ITPRID1: variants seen among roughly 807,000 people sequenced by gnomAD.
ITPRID1 encodes protein ITPRID1.
ITPRID1 carries 96 observed loss-of-function variants against 95.4 expected under a neutral mutation model. That is an observed-to-expected ratio of 1.01 (90% confidence interval 0.85 to 1.19). ITPRID1 has a LOEUF of 1.19. Among genes scored for constraint, ITPRID1 ranks in the 50% most tolerant of loss-of-function variants. ITPRID1 has a pLI of 0.00. For missense variants in ITPRID1, 1,339 were observed against 1,252.9 expected (o/e 1.07, Z -1.04); for synonymous variants, 510 against 453.6 (o/e 1.12, Z -1.58).
chr7:31,621,695 C>T (rs1389778211), intron 10 of ITPRID1, among the ~76,000 whole-genome samples: 139 of 145,258 alleles, frequency 9.6e-4, no homozygotes, highest in Admixed American at 1.6e-3. Context: ...TAAACTGCAT[C>T]AACTAACGAG....
In ITPRID1 at chr7:31,604,554, G is replaced by T. The variant is rs1786533154; in HGVS notation, c.1228+21363G>T. ...TTAAAATCAAGGTATGGTTGAAATG[G>T]TCCACACCAAACGGGGAACAAACCA... On this transcript the variant is annotated intron_variant, in intron 10 of 14. Transcript: ENST00000615280. Among the ~76,000 whole-genome samples the T allele has an allele frequency of 1.3e-5, 2 of 152,140 alleles. 1 individual carries two copies. Among genetic ancestry groups the T allele is most frequent in the Non-Finnish European group, 2.9e-5 (2 of 68,032 alleles).
intron 10 of ITPRID1, among the ~76,000 whole-genome samples, chr7:31,636,781 GGTTT>G (rs917142083): frequency 3.3e-5 from 5 of 151,570 alleles, no homozygotes; most frequent in East Asian, 1.9e-4. Flanking sequence ...GTAATGTGCA[GGTTT>G]GTTACATATG....
At chr7:31,515,049 T>C (rs1342290434) in intron 1 of ITPRID1, among the ~76,000 whole-genome samples, 1 of 152,038 alleles carries the variant, frequency 6.6e-6, no homozygotes. Flanking sequence ...GGTGATTTAG[T>C]AATTATCTAT....
At chr7:31,640,405 T>C (rs1181344699) in intron 10 of ITPRID1, among the ~76,000 whole-genome samples, 1 of 152,186 alleles carries the variant, frequency 6.6e-6, no homozygotes, top group African/African-American at 2.4e-5. Context: ...TGTGTGCAGC[T>C]CCTTCCTCTC....
intron 10 of ITPRID1, among the ~76,000 whole-genome samples, chr7:31,596,261 T>A (rs1175308531): frequency 6.6e-6 from 1 of 151,192 alleles, no homozygotes; most frequent in Non-Finnish European, 1.5e-5. Context: ...TGAGAAAAAA[T>A]TGCTATATGA....
chr7:31,619,394 A>AT (rs1173380498), intron 10 of ITPRID1, among the ~76,000 whole-genome samples: 1 of 152,146 alleles, frequency 6.6e-6, no homozygotes, highest in African/African-American at 2.4e-5. Context: ...AATTCTTATT[A>AT]TTTTACCATT....
intron 1 of ITPRID1, among the ~76,000 whole-genome samples, chr7:31,524,922 T>TAATA (rs1328175581): frequency 6.3e-5 from 8 of 127,996 alleles, no homozygotes; most frequent in African/African-American, 2.7e-4. Flanking sequence ...AAATCTTTAT[T>TAATA]GAGATGAAAT....
intron 13 of ITPRID1, 110 bp downstream of exon 13, chr7:31,651,379 C>A: frequency 8.0e-7 from 1 of 1,253,710 alleles, no homozygotes; most frequent in Non-Finnish European, 1.1e-6. Flanking sequence ...AATGAGAAAC[C>A]GGCCAGCTTT....
chr7:31,601,056 A>C (rs1041243730), intron 10 of ITPRID1, among the ~76,000 whole-genome samples: 3 of 152,146 alleles, frequency 2.0e-5, no homozygotes, highest in Non-Finnish European at 4.4e-5. Flanking sequence ...AGTCGACCTT[A>C]AGAGAATGCT....
At chr7:31,555,139 C>G (rs185592804) in intron 5 of ITPRID1, 1 of 453,142 alleles carries the variant, frequency 2.2e-6, no homozygotes, top group Non-Finnish European at 4.0e-6. Flanking sequence ...ATCAATGGCT[C>G]AGAGTATAGC....
At position 31,587,835 on chromosome 7, in the gene ITPRID1, G is replaced by A. The variant is rs956734805; in HGVS notation, c.1228+4644G>A. 3.0e-4 allele frequency among the ~76,000 whole-genome samples: 45 copies of A among 150,794 alleles called. No individual in the cohort carries two copies. In the Middle Eastern group the frequency reaches 0.01, roughly 34 times the overall value. Reference sequence around the variant, plus strand: ...GAACAGAGCCCTCAGAAATAACGCCGCATATCTACAACTATCTGATCTTTG... The same window carrying A: ...GAACAGAGCCCTCAGAAATAACGCCACATATCTACAACTATCTGATCTTTG... On this transcript the variant is annotated intron_variant, in intron 10 of 14. Transcript: ENST00000615280.
intron 1 of ITPRID1, among the ~76,000 whole-genome samples, chr7:31,525,486 G>A (rs549810364): frequency 2.0e-5 from 3 of 152,290 alleles, no homozygotes; most frequent in Non-Finnish European, 2.9e-5. Flanking sequence ...AGACTCCATG[G>A]TATAGTAACA....
intron 10 of ITPRID1, among the ~76,000 whole-genome samples, chr7:31,598,456 T>G (rs777595343): frequency 3.5e-5 from 5 of 142,584 alleles, no homozygotes; most frequent in Admixed American, 7.6e-5. Context: ...CAGGCTGGAG[T>G]GCAGTGGCGC....
intron 5 of ITPRID1, among the ~76,000 whole-genome samples, chr7:31,558,797 G>A (rs1583496593): frequency 6.6e-6 from 1 of 152,124 alleles, no homozygotes; most frequent in Non-Finnish European, 1.5e-5. Flanking sequence ...GCACACTGGT[G>A]TAAATCAATT....
chr7:31,611,963 T>C (rs1255913709), intron 10 of ITPRID1, among the ~76,000 whole-genome samples: 8 of 152,058 alleles, frequency 5.3e-5, no homozygotes, highest in African/African-American at 1.9e-4. Flanking sequence ...CTCTTCTCTT[T>C]CTGGGACTCC....
chr7:31,601,771 G>A (rs1339338718), intron 10 of ITPRID1, among the ~76,000 whole-genome samples: 1 of 152,138 alleles, frequency 6.6e-6, no homozygotes, highest in Non-Finnish European at 1.5e-5. Flanking sequence ...TTTGTTTTGG[G>A]TAGTGCTGTT....
chr7:31,581,252 G>A (rs191620040), intron 9 of ITPRID1, among the ~76,000 whole-genome samples: 53 of 152,174 alleles, frequency 3.5e-4, no homozygotes, highest in African/African-American at 1.0e-3. Context: ...CCCTAAAGTC[G>A]TACTAAAAGC....
At position 31,590,694 on chromosome 7, in the gene ITPRID1, G is replaced by C. The variant is rs572082795; in HGVS notation, c.1228+7503G>C. Among the ~76,000 whole-genome samples the C allele has an allele frequency of 8.5e-5, 13 of 152,250 alleles. No homozygotes were observed. In the East Asian group the frequency reaches 2.3e-3, roughly 27 times the overall value. Reference sequence around the variant, plus strand: ...GCTGGGTATCCCCATTCCTTCTTGGGAGGAAGATTGAGGACACTAAATTTC... The same window carrying C: ...GCTGGGTATCCCCATTCCTTCTTGGCAGGAAGATTGAGGACACTAAATTTC... On this transcript the variant is annotated intron_variant, in intron 10 of 14. Transcript: ENST00000615280.
chr7:31,568,761 C>T (rs76087567), intron 5 of ITPRID1, among the ~76,000 whole-genome samples: 1,702 of 152,288 alleles, frequency 0.011, 32 homozygotes, highest in African/African-American at 0.039. Flanking sequence ...TACTTGTTTG[C>T]TCAAAAACCT....
Sources: gnomAD v4.1 joint callset for allele counts (sites outside exome capture counted in the v4.1 genomes callset) on GRCh38, gnomAD v4.1.1 for gene constraint, MANE v1.5 for transcripts, NCBI Gene and HGNC (gene_info 2026-07-23, HGNC 2026-07-21) for gene names.